ADCYAP1R1: variants seen among roughly 807,000 people sequenced by gnomAD.
The protein encoded by ADCYAP1R1 is pituitary adenylate cyclase-activating polypeptide type I receptor.
Under a neutral mutation model 67.6 loss-of-function variants are expected in ADCYAP1R1, and 44 were observed. The observed-to-expected ratio is 0.65, with a 90% CI of 0.51 to 0.84. The LOEUF (loss-of-function observed/expected upper bound fraction) is 0.84, where lower values mean the gene tolerates loss of function less well. ADCYAP1R1 is among the 40% of genes least tolerant of loss of function. ADCYAP1R1 has a pLI of 0.00. For missense variants in ADCYAP1R1, 477 were observed against 587.9 expected (o/e 0.81, Z 1.95); for synonymous variants, 222 against 219.6 (o/e 1.01, Z -0.10).
At chr7:31,059,398 G>A (rs181248105) in intron 1 of ADCYAP1R1, among the ~76,000 whole-genome samples, 6 of 152,326 alleles carry the variant, frequency 3.9e-5, no homozygotes, top group African/African-American at 1.4e-4. Context: ...TAAATGCCAG[G>A]AGGTGACTTT....
At chr7:31,071,030 C>T (rs1333656978) in intron 3 of ADCYAP1R1, among the ~76,000 whole-genome samples, 1 of 152,140 alleles carries the variant, frequency 6.6e-6, no homozygotes, top group Non-Finnish European at 1.5e-5. Flanking sequence ...TGTTTTTACC[C>T]TTAGATTGCA....
chr7:31,067,657 A>G (rs1794795066), intron 3 of ADCYAP1R1, among the ~76,000 whole-genome samples: 2 of 152,202 alleles, frequency 1.3e-5, no homozygotes, highest in Non-Finnish European at 2.9e-5. Flanking sequence ...CACCACCTCT[A>G]AAGAGTGACA....
chr7:31,088,860 T>C (rs1294427090), intron 12 of ADCYAP1R1, among the ~76,000 whole-genome samples: 1 of 152,208 alleles, frequency 6.6e-6, no homozygotes, highest in African/African-American at 2.4e-5. Context: ...TGGTGTACTT[T>C]TGAATATCCT....
At chr7:31,080,129 GAC>G (rs1795454127) in intron 4 of ADCYAP1R1, among the ~76,000 whole-genome samples, 1 of 152,222 alleles carries the variant, frequency 6.6e-6, no homozygotes, top group Non-Finnish European at 1.5e-5. Context: ...ATTTTCTTAA[GAC>G]ACACTTTCCT....
At chr7:31,092,537 G>A in intron 12 of ADCYAP1R1, 107 bp from the exon 13 acceptor site, 2 of 772,554 alleles carry the variant, frequency 2.6e-6, no homozygotes, top group Middle Eastern at 2.2e-4. Context: ...TCTTGGATTA[G>A]AAGTGTAGAT....
chr7:31,085,469 G>T, intron 9 of ADCYAP1R1, 27 bp downstream of exon 9: 1 of 1,605,516 alleles, frequency 6.2e-7, no homozygotes, highest in Non-Finnish European at 8.5e-7. Flanking sequence ...GACCCATTAG[G>T]GCTCTGCCGG....
At position 31,086,550 on chromosome 7, in the gene ADCYAP1R1, CTGTGGCT is replaced by C. The variant is rs1261195081; in HGVS notation, c.823+16_823+22del. The C allele has an allele frequency of 6.2e-7, 1 of 1,613,964 alleles. No homozygotes were observed. Among genetic ancestry groups the C allele is most frequent in the African/African-American group, 1.3e-5 (1 of 74,942 alleles). The stretch of plus-strand genomic sequence containing the variant: ...ATCATTGGCTGGGGTAGGTTCCTGG[CTGTGGCT>C]TGGACAGGTTCAGGTCCCGTGGTCA... On this transcript the variant is annotated intron_variant, in intron 10 of 15. Transcript: ENST00000304166. The surrounding 1 kb of genome is among the most constrained non-coding windows in gnomAD (Gnocchi z 5.0).
intron 4 of ADCYAP1R1, among the ~76,000 whole-genome samples, 163 bp downstream of exon 4, chr7:31,078,261 C>G (rs897581223): frequency 6.6e-6 from 1 of 152,138 alleles, no homozygotes; most frequent in South Asian, 2.1e-4. Flanking sequence ...CTTGCACACA[C>G]GGGGACACAG....
intron 13 of ADCYAP1R1, among the ~76,000 whole-genome samples, chr7:31,094,299 C>T (rs1454433067): frequency 6.6e-6 from 1 of 152,040 alleles, no homozygotes; most frequent in Non-Finnish European, 1.5e-5. Flanking sequence ...CATAACCTGC[C>T]CTAGAGATAG....
chr7:31,095,963 G>C (rs2086616741), intron 13 of ADCYAP1R1, among the ~76,000 whole-genome samples: 1 of 152,178 alleles, frequency 6.6e-6, no homozygotes, highest in Non-Finnish European at 1.5e-5. Flanking sequence ...GCTGGGTCAG[G>C]GCTTAGCATG....
At chr7:31,056,758 C>G (rs1001135549) in intron 1 of ADCYAP1R1, among the ~76,000 whole-genome samples, 3 of 152,238 alleles carry the variant, frequency 2.0e-5, no homozygotes, top group African/African-American at 7.2e-5. Context: ...GATCACTCCA[C>G]TCCATTGCTT....
At chr7:31,087,785 C>T in intron 12 of ADCYAP1R1, 89 bp downstream of exon 12, 3 of 1,005,766 alleles carry the variant, frequency 3.0e-6, no homozygotes, top group South Asian at 1.4e-5. Flanking sequence ...AGTCCCCACA[C>T]AACCTGACTT....
intron 13 of ADCYAP1R1, among the ~76,000 whole-genome samples, chr7:31,097,582 A>G (rs1001775): frequency 0.044 from 6,649 of 152,226 alleles, 374 homozygotes; most frequent in East Asian, 0.18. Context: ...TCAGAGCCAC[A>G]CAACTTTACC....
At chr7:31,076,615 C>T (rs1315334700) in intron 3 of ADCYAP1R1, among the ~76,000 whole-genome samples, 3 of 152,210 alleles carry the variant, frequency 2.0e-5, no homozygotes, top group African/African-American at 2.4e-5. Flanking sequence ...GCAGCAATCC[C>T]GGCCTCCACC....
chr7:31,067,945 G>A (rs1018180264), intron 3 of ADCYAP1R1, among the ~76,000 whole-genome samples: 1 of 152,192 alleles, frequency 6.6e-6, no homozygotes, highest in African/African-American at 2.4e-5. Context: ...AGTTCTTCTG[G>A]GGAGTAGAGA....
intron 6 of ADCYAP1R1, among the ~76,000 whole-genome samples, chr7:31,083,352 C>G (rs1401853127): frequency 6.6e-6 from 1 of 152,186 alleles, no homozygotes; most frequent in Non-Finnish European, 1.5e-5. Flanking sequence ...AGGGCAAAAA[C>G]CAGCCTGGAC....
In ADCYAP1R1 at chr7:31,102,962, G is replaced by A. The variant is rs189013173; in HGVS notation, c.1047-275G>A. ...TTTGCTTTTCCAGAAGGTTTTGCAC[G>A]TCACCCAAGGGGTCCCTGTAAATCG... On this transcript the variant is annotated intron_variant, in intron 13 of 15. Transcript: ENST00000304166. This position sits in a 1 kb window ranked among gnomAD's most constrained non-coding sequence, Gnocchi z 4.3. Among the ~76,000 whole-genome samples the A allele has an allele frequency of 7.2e-5, 11 of 152,302 alleles. No individual in the cohort carries two copies. The highest frequency in any genetic ancestry group is 6.8e-3 in the Middle Eastern group (2 of 294).
At chr7:31,098,893 C>T (rs1796322911) in intron 13 of ADCYAP1R1, among the ~76,000 whole-genome samples, 1 of 152,084 alleles carries the variant, frequency 6.6e-6, no homozygotes, top group Non-Finnish European at 1.5e-5. Context: ...GCATCAGGTC[C>T]AATCTGATTT....
At chr7:31,054,218 C>T (rs1420244136) in intron 1 of ADCYAP1R1, among the ~76,000 whole-genome samples, 1 of 152,074 alleles carries the variant, frequency 6.6e-6, no homozygotes, top group Non-Finnish European at 1.5e-5. Context: ...TGGAGGCGGG[C>T]CTGATACTTT....
Sources: gnomAD v4.1 joint callset for allele counts (sites outside exome capture counted in the v4.1 genomes callset) on GRCh38, gnomAD v4.1.1 for gene constraint, Gnocchi (gnomAD v3.1) non-coding constraint, MANE v1.5 for transcripts, NCBI Gene and HGNC (gene_info 2026-07-23, HGNC 2026-07-21) for gene names.